The following CNTN5 variants were observed in gnomAD, a reference collection of about 807,000 sequenced individuals.
The protein encoded by CNTN5 is contactin-5.
In CNTN5, 77 loss-of-function variants were observed where a neutral mutation model predicts 129.1. The observed-to-expected ratio is 0.60, with a 90% CI of 0.50 to 0.72. The LOEUF (loss-of-function observed/expected upper bound fraction) is 0.72, where lower values mean the gene tolerates loss of function less well. CNTN5 is among the 30% of genes least tolerant of loss of function. The pLI is 0.00. For missense variants in CNTN5, 1,478 were observed against 1,328.8 expected, an observed-to-expected ratio of 1.11 and a Z score of -1.75; for synonymous variants, 509 against 465.6, an observed-to-expected ratio of 1.09 and a Z score of -1.20.
chr11:99,909,101 AT>A lies in CNTN5; in HGVS notation c.578-6947del, dbSNP rs1474581111. On this transcript the variant is annotated intron_variant, in intron 6 of 24. Coordinates refer to ENST00000524871, the MANE Select transcript of CNTN5 (RefSeq NM_014361.4). ...ATCTTCATATAATGGATGTTAGTAT[AT>A]TTTTTGAGATACCTATAATTAGCTC... Among the ~76,000 whole-genome samples, 449 of 152,212 alleles carry A rather than the reference AT, an allele frequency of 2.9e-3. 9 individuals carry two copies. Among genetic ancestry groups the A allele is most frequent in the Non-Finnish European group, 1.4e-3 (95 of 68,008 alleles).
chr11:99,817,620 T>TC (rs1158736586), intron 3 of CNTN5, among the ~76,000 whole-genome samples: 1 of 124,794 alleles, frequency 8.0e-6, no homozygotes, highest in Non-Finnish European at 1.7e-5. Flanking sequence ...TTTTTTTTTT[T>TC]CCTTTATAAA....
chr11:99,568,326 T>G lies in CNTN5; in HGVS notation c.55+12057T>G, dbSNP rs1038694719. Among the ~76,000 whole-genome samples, 24 of 152,354 alleles carry G rather than the reference T, an allele frequency of 1.6e-4. 1 individual carries two copies. Among genetic ancestry groups the G allele is most frequent in the African/African-American group, 5.8e-4 (24 of 41,588 alleles). On this transcript the variant is annotated intron_variant, in intron 3 of 24. Transcript: ENST00000524871. ...TTATTATAAAGTAATGCTCCAATAA[T>G]TCACATTATATCAAGTGTCCATGAG...
intron 3 of CNTN5, among the ~76,000 whole-genome samples, chr11:99,666,819 A>T (rs1952809983): frequency 1.3e-5 from 2 of 152,160 alleles, no homozygotes; most frequent in Non-Finnish European, 2.9e-5. Context: ...GAGAGCTGAA[A>T]AAACAAATTC....
chr11:99,908,232 G>A (rs1255130089), intron 6 of CNTN5, among the ~76,000 whole-genome samples: 2 of 152,054 alleles, frequency 1.3e-5, no homozygotes, highest in Admixed American at 6.6e-5. Flanking sequence ...AGGAGTCATA[G>A]TAGTAGGCAA....
At chr11:100,048,712 A>G (rs1942811212) in intron 9 of CNTN5, among the ~76,000 whole-genome samples, 1 of 152,022 alleles carries the variant, frequency 6.6e-6, no homozygotes, top group Non-Finnish European at 1.5e-5. Flanking sequence ...GCTTTATGGA[A>G]CAATTAGCTA....
At chr11:100,060,738 C>T (rs1943435739) in intron 9 of CNTN5, among the ~76,000 whole-genome samples, 1 of 149,436 alleles carries the variant, frequency 6.7e-6, no homozygotes, top group South Asian at 2.1e-4. Context: ...TTTCCGGTTT[C>T]AAGCGATTCT....
At position 99,366,965 on chromosome 11, in the gene CNTN5, G is replaced by A. The variant is rs1356767702; in HGVS notation, c.-71+41481G>A. 2.0e-5 allele frequency among the ~76,000 whole-genome samples: 3 copies of A among 152,104 alleles called. No individual in the cohort carries two copies. The East Asian group carries it at 5.8e-4, about 29-fold the overall frequency. On this transcript the variant is annotated intron_variant, in intron 2 of 24. Coordinates refer to ENST00000524871, the MANE Select transcript of CNTN5 (RefSeq NM_014361.4). The stretch of plus-strand genomic sequence containing the variant: ...TGTCATATTGTGATATCGACAGATA[G>A]GGCTCATCGTAAGCTGGGGATATTT...
chr11:99,530,395 A>G (rs140448046), intron 2 of CNTN5, among the ~76,000 whole-genome samples: 3 of 152,336 alleles, frequency 2.0e-5, no homozygotes, highest in East Asian at 3.9e-4. Context: ...GAGAATGATT[A>G]TGATTTCCCT....
rs180931324 is a variant in CNTN5, at chr11:100,321,627, A to T, written c.2730+13159A>T. On this transcript the variant is annotated intron_variant, in intron 21 of 24. Coordinates refer to ENST00000524871, the MANE Select transcript of CNTN5 (RefSeq NM_014361.4). ...AGAGTATGCATCCTTGTCTTTTTCCAGACCTTAAAGGAAAAGCCTTCGGCT... is the reference window on the plus strand; with the variant it reads ...AGAGTATGCATCCTTGTCTTTTTCCTGACCTTAAAGGAAAAGCCTTCGGCT... Among the ~76,000 whole-genome samples, 220 of 152,242 alleles carry T rather than the reference A, an allele frequency of 1.4e-3. 3 individuals are homozygous for T. Among genetic ancestry groups the T allele is most frequent in the Middle Eastern group, 0.014 (4 of 294 alleles).
chr11:99,109,384 TC>T (rs1161243497), intron 1 of CNTN5, among the ~76,000 whole-genome samples: 1 of 152,108 alleles, frequency 6.6e-6, no homozygotes, highest in Non-Finnish European at 1.5e-5. Context: ...GTACATTTTT[TC>T]ATATGGTGCT....
intron 9 of CNTN5, among the ~76,000 whole-genome samples, chr11:100,047,876 A>G (rs1942767434): frequency 6.6e-6 from 1 of 152,280 alleles, no homozygotes; most frequent in East Asian, 1.9e-4. Context: ...TTCACGCTGT[A>G]ATCCCAGCAA....
chr11:100,264,420 C>G (rs1591451096), intron 17 of CNTN5, among the ~76,000 whole-genome samples: 1 of 152,178 alleles, frequency 6.6e-6, no homozygotes, highest in South Asian at 2.1e-4. Flanking sequence ...TGTGTTGTTT[C>G]TCTCCCTGTG....
intron 1 of CNTN5, among the ~76,000 whole-genome samples, chr11:99,173,853 G>A (rs1179624572): frequency 6.6e-6 from 1 of 152,150 alleles, no homozygotes; most frequent in African/African-American, 2.4e-5. Flanking sequence ...TATTATGGCA[G>A]CCCAGACAAG....
At chr11:100,225,627 A>C (rs77043215) in intron 16 of CNTN5, among the ~76,000 whole-genome samples, 3,940 of 152,172 alleles carry the variant, frequency 0.026, 184 homozygotes, top group African/African-American at 0.09. Context: ...CAAAATAAAC[A>C]CACCATATAA....
chr11:100,085,717 A>G (rs1213265160), intron 13 of CNTN5, among the ~76,000 whole-genome samples: 3 of 152,092 alleles, frequency 2.0e-5, no homozygotes, highest in Non-Finnish European at 4.4e-5. Context: ...ATTATAAATA[A>G]TTAAATCATA....
At chr11:99,773,387 A>G (rs1337351035) in intron 3 of CNTN5, among the ~76,000 whole-genome samples, 2 of 152,058 alleles carry the variant, frequency 1.3e-5, no homozygotes, top group South Asian at 2.1e-4. Flanking sequence ...AAGCTTAAAG[A>G]TCTTGTTCAT....
chr11:99,856,947 A>G (rs550570921), intron 6 of CNTN5, among the ~76,000 whole-genome samples: 9 of 152,134 alleles, frequency 5.9e-5, no homozygotes, highest in African/African-American at 2.2e-4. Flanking sequence ...CAACTGTTCA[A>G]TAACCCACGT....
At chr11:99,373,965 A>T (rs1025679208) in intron 2 of CNTN5, among the ~76,000 whole-genome samples, 2 of 152,164 alleles carry the variant, frequency 1.3e-5, no homozygotes, top group African/African-American at 2.4e-5. Flanking sequence ...ATCAAATCAA[A>T]TAACATTAGT....
chr11:99,031,737 T>C (rs2135092206), intron 1 of CNTN5, among the ~76,000 whole-genome samples: 1 of 152,150 alleles, frequency 6.6e-6, no homozygotes, highest in South Asian at 2.1e-4. Context: ...GTTCTTAAGA[T>C]CTAAATTCAT....
Sources: allele counts gnomAD v4.1 joint callset (sites outside exome capture counted in the v4.1 genomes callset), GRCh38; gene constraint gnomAD v4.1.1; transcripts MANE v1.5; gene names NCBI Gene and HGNC (gene_info 2026-07-23, HGNC 2026-07-21).